Variants in GPR139 observed in about 807,000 individuals in gnomAD.
GPR139 encodes probable G protein-coupled receptor 139.
A neutral mutation model predicts 25.8 loss-of-function variants in GPR139; 12 were observed. That is an observed-to-expected ratio of 0.47 (90% CI 0.30 to 0.75). The LOEUF is 0.75. Ranked by LOEUF, GPR139 falls within the 30% of genes least tolerant of loss-of-function variation. The pLI is 0.07. For missense variants in GPR139, 380 were observed against 450.2 expected (o/e 0.84, Z 1.41); for synonymous variants, 184 against 179.9 (o/e 1.02, Z -0.18).
In GPR139 at chr16:20,032,147, C is replaced by T. The variant is rs761772877; in HGVS notation, c.650G>A (p.Arg217His). The change falls in exon 2 of 2, where the codon CGT becomes CAT. Residue 217 changes from arginine to histidine, a missense_variant. Physicochemically the swap from Arg to His is conservative, Grantham distance 29. Coordinates refer to ENST00000570682, the MANE Select transcript of GPR139 (RefSeq NM_001002911.4). ...CTTCCCCGTGGAGTAGCCACGGAGACGAAAATTGCTCTTCCTCCTGAGCTT... is the reference window on the plus strand; with the variant it reads ...CTTCCCCGTGGAGTAGCCACGGAGATGAAAATTGCTCTTCCTCCTGAGCTT... Reference protein sequence around the residue: ...VYKLRRKSNFRLRGYSTGKTT... With the variant: ...VYKLRRKSNFHLRGYSTGKTT... The T allele has an allele frequency of 8.7e-6, 14 of 1,614,050 alleles. No individual in the cohort carries two copies. Among genetic ancestry groups the T allele is most frequent in the African/African-American group, 1.3e-5 (1 of 74,996 alleles).
intron 1 of GPR139, among the ~76,000 whole-genome samples, chr16:20,059,495 C>G (rs2125151): frequency 0.04 from 6,151 of 152,268 alleles, 150 homozygotes; most frequent in Non-Finnish European, 0.056. Context: ...ATTTAGGTCT[C>G]TGCTCAAACA....
At chr16:20,070,993 C>T in intron 1 of GPR139, 1 of 985,492 alleles carries the variant, frequency 1.0e-6, no homozygotes, top group Non-Finnish European at 1.2e-6. Flanking sequence ...GCAGACCGCC[C>T]TCCTTACAAC....
rs539936998 is a variant in GPR139, at chr16:20,031,985, T to C, written c.812A>G (p.Asn271Ser). The change falls in exon 2 of 2, where the codon AAC becomes AGC. Residue 271 changes from asparagine (N) to serine (S), a missense_variant. By Grantham distance (46) the Asn-to-Ser change is conservative. Coordinates refer to ENST00000570682, the MANE Select transcript of GPR139 (RefSeq NM_001002911.4). Reference sequence around the variant, plus strand: ...GGCTGTGTTCAGAAGGGCTAGCATGTTGGCAATGTCGGACATGATGTGTAC... The same window carrying C: ...GGCTGTGTTCAGAAGGGCTAGCATGCTGGCAATGTCGGACATGATGTGTAC... ...WLVHIMSDIANMLALLNTAIN... is the reference protein window; with the variant it reads ...WLVHIMSDIASMLALLNTAIN... 2.8e-5 allele frequency: 45 copies of C among 1,614,182 alleles called. 1 individual carries two copies. The South Asian group carries it at 4.8e-4, about 17-fold the overall frequency.
At chr16:20,051,157 G>A (rs1256155635) in intron 1 of GPR139, among the ~76,000 whole-genome samples, 2 of 152,150 alleles carry the variant, frequency 1.3e-5, no homozygotes, top group Non-Finnish European at 2.9e-5. Context: ...AGGGACACAA[G>A]GTGGGAGGTG....
At chr16:20,055,269 A>G (rs1326337755) in intron 1 of GPR139, among the ~76,000 whole-genome samples, 1 of 152,172 alleles carries the variant, frequency 6.6e-6, no homozygotes, top group Non-Finnish European at 1.5e-5. Flanking sequence ...ACATGGATAG[A>G]GCTGAAGGCC....
rs34142406 is a variant in GPR139, at chr16:20,073,421, G to A, written c.127+69C>T. ...CCAGGGAACGCACGGGGGAGGACGG[G>A]GGATTCTGGGTAGGGTTGCCCGGCA... On this transcript the variant is annotated intron_variant, in intron 1 of 1. Transcript: ENST00000570682. The surrounding 1 kb of genome is among the most constrained non-coding windows in gnomAD (Gnocchi z 4.7). 368,405 of 1,570,128 alleles carry A rather than the reference G, an allele frequency of 0.23. 45,353 individuals carry two copies. The highest frequency in any genetic ancestry group is 0.26 in the East Asian group (10,999 of 41,942).
chr16:20,061,492 T>C (rs2057414339), intron 1 of GPR139, among the ~76,000 whole-genome samples: 1 of 152,212 alleles, frequency 6.6e-6, no homozygotes, highest in Admixed American at 6.5e-5. Flanking sequence ...AATGAGTCAA[T>C]GAATGCAGGT....
chr16:20,051,153 A>C (rs1235442961), intron 1 of GPR139, among the ~76,000 whole-genome samples: 2 of 152,200 alleles, frequency 1.3e-5, no homozygotes. Flanking sequence ...CTGAAGGGAC[A>C]CAAGGTGGGA....
Position 20,073,460 on chromosome 16 carries a change from G to C in GPR139, c.127+30C>G, listed in dbSNP as rs1489949769. 5.6e-6 allele frequency: 9 copies of C among 1,603,706 alleles called. No individual in the cohort carries two copies. Among genetic ancestry groups the C allele is most frequent in the Non-Finnish European group, 7.7e-6 (9 of 1,175,582 alleles). ...GGTTGCCCGGCACTTGGGGTTCCTG[G>C]CTTCCCTCCCTCTCCCCCACGCCCC... On this transcript the variant is annotated intron_variant, in intron 1 of 1. Coordinates refer to ENST00000570682, the MANE Select transcript of GPR139 (RefSeq NM_001002911.4). This position sits in a 1 kb window ranked among gnomAD's most constrained non-coding sequence, Gnocchi z 4.7.
intron 1 of GPR139, among the ~76,000 whole-genome samples, chr16:20,033,993 A>ATTT (rs1432074186): frequency 7.4e-6 from 1 of 135,840 alleles, no homozygotes; most frequent in Non-Finnish European, 1.6e-5. Context: ...TTTTTTTTTA[A>ATTT]AAAAAGTCTC....
chr16:20,048,252 G>C (rs771945818), intron 1 of GPR139, among the ~76,000 whole-genome samples: 2 of 152,194 alleles, frequency 1.3e-5, no homozygotes, highest in African/African-American at 2.4e-5. Flanking sequence ...GGTGTTCAGT[G>C]TGTGGGAGAG....
chr16:20,073,870 G>A lies in GPR139; in HGVS notation c.-254C>T, dbSNP rs2057472419. 1 of 431,986 alleles carries A rather than the reference G, an allele frequency of 2.3e-6. No homozygotes were observed. The highest frequency in any genetic ancestry group is 2.1e-5 in the African/African-American group (1 of 47,496). 26.8% of individuals were successfully genotyped at this position (431,986 alleles called of 1,614,324 possible). A position where few individuals can be genotyped will look rare whatever the true frequency, so the allele number is the denominator to read the frequency against. The stretch of plus-strand genomic sequence containing the variant: ...GGCGCGCTGCGCGGGGCCTCGGGAG[G>A]GGCTCCCGGAGCCCGTCTGTGCGCC... On this transcript the variant is annotated 5_prime_UTR_variant, in exon 1 of 2. Coordinates refer to ENST00000570682, the MANE Select transcript of GPR139 (RefSeq NM_001002911.4). This position sits in a 1 kb window ranked among gnomAD's most constrained non-coding sequence, Gnocchi z 4.7.
intron 1 of GPR139, among the ~76,000 whole-genome samples, chr16:20,049,658 A>G (rs1301662329): frequency 6.6e-6 from 1 of 152,216 alleles, no homozygotes; most frequent in Admixed American, 6.5e-5. Flanking sequence ...ATGAGGAAAG[A>G]TTAAGAGCTC....
At chr16:20,048,371 GC>G (rs2057360895) in intron 1 of GPR139, among the ~76,000 whole-genome samples, 1 of 152,146 alleles carries the variant, frequency 6.6e-6, no homozygotes, top group African/African-American at 2.4e-5. Context: ...ATGTACCAGA[GC>G]CTGGGTCAGG....
In GPR139 at chr16:20,030,451, A is replaced by G. The variant is rs951143906; in HGVS notation, c.*1284T>C. Among the ~76,000 whole-genome samples the G allele has an allele frequency of 1.3e-5, 2 of 152,238 alleles. No homozygotes were observed. The highest frequency in any genetic ancestry group is 6.5e-5 in the Admixed American group (1 of 15,284). Reference sequence around the variant, plus strand: ...TCATGTGTGTGTGTGTGCTGCACACATAAGTAGCAATTTCCAGGGATGCCC... The same window carrying G: ...TCATGTGTGTGTGTGTGCTGCACACGTAAGTAGCAATTTCCAGGGATGCCC... On this transcript the variant is annotated 3_prime_UTR_variant, in exon 2 of 2. Transcript: ENST00000570682.
chr16:20,064,003 GGAAA>G (rs1390191920), intron 1 of GPR139, among the ~76,000 whole-genome samples: 2 of 152,194 alleles, frequency 1.3e-5, no homozygotes, highest in Non-Finnish European at 2.9e-5. Context: ...CATGGTGGCA[GGAAA>G]GAGAGAGCTA....
At chr16:20,051,072 A>AAAAAAAAAAAG (rs542691880) in intron 1 of GPR139, among the ~76,000 whole-genome samples, 6 of 145,544 alleles carry the variant, frequency 4.1e-5, no homozygotes, top group African/African-American at 7.4e-5. Flanking sequence ...CAAAAAAAAA[A>AAAAAAAAAAAG]AAAGAAAGAA....
chr16:20,032,662 G>A lies in GPR139; in HGVS notation c.135C>T (p.Ile45=), dbSNP rs780288136. Residue 45 remains isoleucine (I), a synonymous_variant, in exon 2 of 2, where the codon ATC becomes ATT. Coordinates refer to ENST00000570682, the MANE Select transcript of GPR139 (RefSeq NM_001002911.4). Reference sequence around the variant, plus strand: ...GCTGGGAGAGGATGATCACTGTCAAGATATTTGCTGTGGAGAGAAGAAAAA... The same window carrying A: ...GCTGGGAGAGGATGATCACTGTCAAAATATTTGCTGTGGAGAGAAGAAAAA... The part of the protein sequence containing the change: ...LLLCLGLPAN[I]LTVIILSQLV... 27 of 1,601,844 alleles carry A rather than the reference G, an allele frequency of 1.7e-5. No homozygotes were observed. The highest frequency in any genetic ancestry group is 2.1e-5 in the Non-Finnish European group (24 of 1,170,214).
At chr16:20,050,749 A>C (rs912806223) in intron 1 of GPR139, among the ~76,000 whole-genome samples, 2 of 152,168 alleles carry the variant, frequency 1.3e-5, no homozygotes, top group Admixed American at 1.3e-4. Context: ...ATCAAACATT[A>C]AGGGGTTTTA....
Sources: allele counts gnomAD v4.1 joint callset (sites outside exome capture counted in the v4.1 genomes callset), GRCh38; gene constraint gnomAD v4.1.1; non-coding constraint Gnocchi (gnomAD v3.1); transcripts MANE v1.5; gene names NCBI Gene and HGNC (gene_info 2026-07-23, HGNC 2026-07-21).